Variants in CUBN observed in about 807,000 individuals in gnomAD.
CUBN encodes the protein cubilin, also known as 460 kDa receptor.
In CUBN, 282 loss-of-function variants were observed where a neutral mutation model predicts 405.3. The ratio of observed to expected loss-of-function variants is 0.70; its 90% CI spans 0.63 to 0.77. The LOEUF is 0.77. Ranked by LOEUF, CUBN falls within the 30% of genes least tolerant of loss-of-function variation. CUBN has a pLI of 0.00. For missense variants in CUBN, 4,514 were observed against 4,475.2 expected (o/e 1.01, Z -0.25); for synonymous variants, 1,684 against 1,617.0 (o/e 1.04, Z -0.99).
Position 16,948,607 on chromosome 10 carries a change from CTAAATAATG to C in CUBN, c.5081-10_5081-2del. On this transcript the variant is annotated splice_acceptor_variant and splice_polypyrimidine_tract_variant and intron_variant, in intron 34 of 66. Coordinates refer to ENST00000377833, the MANE Select transcript of CUBN (RefSeq NM_001081.4). LOFTEE classifies it high-confidence loss of function. ...GGCATGTCGGTGCCACAGTAACGGCCTAAATAATGAAGATAATGACAAGGAGAATGAATG... is the reference window on the plus strand; with the variant it reads ...GGCATGTCGGTGCCACAGTAACGGCCAAGATAATGACAAGGAGAATGAATG... The C allele has an allele frequency of 6.2e-7, 1 of 1,613,512 alleles. No individual in the cohort carries two copies. The highest frequency in any genetic ancestry group is 8.5e-7 in the Non-Finnish European group (1 of 1,179,742).
intron 44 of CUBN, among the ~76,000 whole-genome samples, chr10:16,919,360 G>A (rs1444369274): frequency 6.6e-6 from 1 of 152,174 alleles, no homozygotes; most frequent in Non-Finnish European, 1.5e-5. Flanking sequence ...TTATATCCAA[G>A]TTTTGCACCA....
At chr10:17,033,798 C>T (rs575377824) in intron 27 of CUBN, among the ~76,000 whole-genome samples, 111 of 152,248 alleles carry the variant, frequency 7.3e-4, no homozygotes, top group African/African-American at 2.5e-3. Flanking sequence ...TTGCAGTAAG[C>T]AACTGAGAAT....
Position 16,840,917 on chromosome 10 carries a change from T to C in CUBN, c.9794A>G (p.Glu3265Gly), listed in dbSNP as rs1839328094. The C allele has an allele frequency of 1.2e-6, 2 of 1,612,860 alleles. No homozygotes were observed. Among genetic ancestry groups the C allele is most frequent in the African/African-American group, 2.7e-5 (2 of 74,900 alleles). ...GATGGTGTATGTAGCATTAAATCCT[T>C]CCCTCTCTAATGTTAAGTCACTGAT... is the stretch of plus-strand genomic sequence containing the variant. ...QFISDLTLER[E>G]GFNATYTIMD... Residue 3265 changes from glutamate to glycine, a missense_variant, in exon 61 of 67, where the codon GAA (glutamate) becomes GGA (glycine). Glu to Gly is a moderately conservative substitution (Grantham distance 98). Around this residue, in one of 5 missense-constraint regions of CUBN, gnomAD observed 1,186 missense variants for 1,186.9 expected, o/e 1.00. Coordinates refer to ENST00000377833, the MANE Select transcript of CUBN (RefSeq NM_001081.4).
At chr10:16,941,826 G>A (rs1367229607) in intron 36 of CUBN, among the ~76,000 whole-genome samples, 3 of 152,102 alleles carry the variant, frequency 2.0e-5, no homozygotes, top group Non-Finnish European at 4.4e-5. Flanking sequence ...ATGCAACAGA[G>A]TGAGACTCTG....
At chr10:17,085,520 A>G in intron 16 of CUBN, 77 bp downstream of exon 16, 4 of 1,386,062 alleles carry the variant, frequency 2.9e-6, no homozygotes, top group Non-Finnish European at 4.1e-6. Context: ...TCTGAATCAC[A>G]TTAAAATATA....
chr10:16,860,896 T>TC (rs1392354892), intron 59 of CUBN, among the ~76,000 whole-genome samples: 1 of 152,194 alleles, frequency 6.6e-6, no homozygotes, highest in African/African-American at 2.4e-5. Flanking sequence ...TCCCCACAGG[T>TC]GCTGGGATGT....
Position 16,824,920 on chromosome 10 carries a change from G to T in CUBN, c.*55C>A. 1 of 1,220,422 alleles carries T rather than the reference G, an allele frequency of 8.2e-7. No individual in the cohort carries two copies. The highest frequency in any genetic ancestry group is 1.2e-6 in the Non-Finnish European group (1 of 824,080). The allele number at this position is 1,220,422 out of a possible 1,614,324, so 75.6% of individuals were successfully genotyped here. On this transcript the variant is annotated 3_prime_UTR_variant, in exon 67 of 67. Transcript: ENST00000377833. ...GGGTCATGTATCAGGATGGCAGAGT[G>T]CTGTCCAGCGTGCTGCAGAGGGAAA...
chr10:17,001,479 T>A (rs77448135), intron 28 of CUBN, among the ~76,000 whole-genome samples: 8,169 of 152,280 alleles, frequency 0.054, 786 homozygotes, highest in African/African-American at 0.19. Flanking sequence ...TTTACAAACT[T>A]TTAGCTAGCC....
chr10:16,975,382 G>A (rs987942194), intron 31 of CUBN, among the ~76,000 whole-genome samples: 3 of 152,218 alleles, frequency 2.0e-5, no homozygotes, highest in African/African-American at 7.2e-5. Context: ...TATGTCCCAT[G>A]TAGGTGGAAA....
intron 36 of CUBN, among the ~76,000 whole-genome samples, 175 bp downstream of exon 36, chr10:16,947,060 G>A (rs1199407162): frequency 1.3e-5 from 2 of 152,142 alleles, no homozygotes; most frequent in African/African-American, 4.8e-5. Context: ...CAAGAACCAT[G>A]GTCGAGAGAA....
chr10:16,861,876 C>T (rs912222070), intron 59 of CUBN, among the ~76,000 whole-genome samples: 3 of 151,966 alleles, frequency 2.0e-5, no homozygotes, highest in African/African-American at 4.8e-5. Flanking sequence ...GGGGGCTGGG[C>T]GCAGTGGCTC....
chr10:17,088,760 G>T (rs1166986010), intron 14 of CUBN, among the ~76,000 whole-genome samples: 1 of 152,184 alleles, frequency 6.6e-6, no homozygotes, highest in African/African-American at 2.4e-5. Flanking sequence ...ATATTAAAAT[G>T]GTTAAGTGTG....
chr10:16,857,408 T>A (rs1483250314), intron 59 of CUBN, among the ~76,000 whole-genome samples: 1 of 152,226 alleles, frequency 6.6e-6, no homozygotes, highest in Non-Finnish European at 1.5e-5. Flanking sequence ...GCAATACTTG[T>A]ATAAAGAACT....
chr10:16,915,644 T>C (rs556926263), intron 46 of CUBN, among the ~76,000 whole-genome samples, 177 bp downstream of exon 46: 1 of 152,258 alleles, frequency 6.6e-6, no homozygotes, highest in Non-Finnish European at 1.5e-5. Context: ...TGGGCATCCA[T>C]TGTTAATGGT....
At chr10:17,020,470 A>G (rs1205022795) in intron 27 of CUBN, among the ~76,000 whole-genome samples, 1 of 152,240 alleles carries the variant, frequency 6.6e-6, no homozygotes, top group Non-Finnish European at 1.5e-5. Context: ...AAAATGGGGT[A>G]GCCATCCCTT....
chr10:17,068,595 A>G lies in CUBN; in HGVS notation c.2791+10T>C, dbSNP rs1414463723. On this transcript the variant is annotated intron_variant, in intron 20 of 66. Transcript: ENST00000377833. ...AAGAGGAGGAAAAAAAAAAGGGAACAGTCTCTTACCCAAATCCTCAGCACT... is the reference window on the plus strand; with the variant it reads ...AAGAGGAGGAAAAAAAAAAGGGAACGGTCTCTTACCCAAATCCTCAGCACT... The G allele has an allele frequency of 1.2e-6, 2 of 1,602,552 alleles. No individual in the cohort carries two copies. The highest frequency in any genetic ancestry group is 1.7e-6 in the Non-Finnish European group (2 of 1,173,768).
chr10:17,008,557 C>T (rs1391297723), intron 28 of CUBN, among the ~76,000 whole-genome samples: 1 of 151,610 alleles, frequency 6.6e-6, no homozygotes, highest in African/African-American at 2.4e-5. Flanking sequence ...TTCTCAGGTC[C>T]CTCGGGCTCT....
At chr10:16,870,309 C>T (rs1269861975) in intron 58 of CUBN, among the ~76,000 whole-genome samples, 14 of 152,162 alleles carry the variant, frequency 9.2e-5, no homozygotes, top group Non-Finnish European at 1.8e-4. Flanking sequence ...AGAAGAAATG[C>T]TGCTTTTAGA....
At chr10:16,951,381 T>C (rs1033623539) in intron 33 of CUBN, among the ~76,000 whole-genome samples, 4 of 152,274 alleles carry the variant, frequency 2.6e-5, no homozygotes, top group African/African-American at 9.6e-5. Context: ...CTCTTCATTT[T>C]GCAGATTACT....
Sources: allele counts gnomAD v4.1 joint callset (sites outside exome capture counted in the v4.1 genomes callset), GRCh38; gene constraint gnomAD v4.1.1; regional missense constraint gnomAD v4.1.1; transcripts MANE v1.5; gene names NCBI Gene and HGNC (gene_info 2026-07-23, HGNC 2026-07-21).